UBE2E2: variants seen among roughly 807,000 people sequenced by gnomAD.
UBE2E2 encodes ubiquitin conjugating enzyme E2 E2, also known as ubiquitin-conjugating enzyme E2 E2.
A neutral mutation model predicts 24.7 loss-of-function variants in UBE2E2; 6 were observed. The observed-to-expected ratio is 0.24, with a 90% confidence interval of 0.13 to 0.48. UBE2E2 has a LOEUF of 0.48. Among genes scored for constraint, UBE2E2 ranks in the 20% least tolerant of loss-of-function variants. The pLI is 0.99. For missense variants in UBE2E2, 169 were observed against 245.0 expected (o/e 0.69, Z 2.07); for synonymous variants, 104 against 83.6 (o/e 1.24, Z -1.33).
At chr3:23,484,628 G>T (rs748562759) in intron 3 of UBE2E2, among the ~76,000 whole-genome samples, 1 of 152,034 alleles carries the variant, frequency 6.6e-6, no homozygotes, top group East Asian at 1.9e-4. Flanking sequence ...CTCCATTTTC[G>T]TACTGCTGTG....
At chr3:23,352,330 A>T (rs1002431791) in intron 3 of UBE2E2, among the ~76,000 whole-genome samples, 17 of 152,178 alleles carry the variant, frequency 1.1e-4, no homozygotes, top group African/African-American at 3.6e-4. Flanking sequence ...AGAGCTAGAA[A>T]AACAAGAGCA....
intron 3 of UBE2E2, among the ~76,000 whole-genome samples, chr3:23,275,423 T>A (rs112268612): frequency 6.6e-6 from 1 of 152,284 alleles, no homozygotes; most frequent in African/African-American, 2.4e-5. Context: ...TTACAGTAGA[T>A]TGACTCAAGA....
chr3:23,393,959 A>G (rs967849033), intron 3 of UBE2E2, among the ~76,000 whole-genome samples: 2 of 152,212 alleles, frequency 1.3e-5, no homozygotes, highest in Admixed American at 1.3e-4. Context: ...AAGGCTGAAA[A>G]TTCTATCTAG....
intron 3 of UBE2E2, among the ~76,000 whole-genome samples, chr3:23,290,014 T>C (rs1005354993): frequency 6.6e-6 from 1 of 152,232 alleles, no homozygotes; most frequent in Admixed American, 6.5e-5. Context: ...AAAACATTTC[T>C]AAGGGGAAAT....
intron 3 of UBE2E2, among the ~76,000 whole-genome samples, chr3:23,457,267 C>T (rs1440360732): frequency 3.3e-5 from 5 of 152,134 alleles, no homozygotes; most frequent in Admixed American, 2.0e-4. Context: ...CTGCAACTGA[C>T]GCATCTCTAG....
At chr3:23,534,279 C>T (rs1346020835) in intron 5 of UBE2E2, 3 of 970,382 alleles carry the variant, frequency 3.1e-6, no homozygotes, top group South Asian at 4.8e-5. Context: ...TAGATTCATT[C>T]CACCAAAGCC....
intron 3 of UBE2E2, among the ~76,000 whole-genome samples, chr3:23,232,650 G>A (rs949947460): frequency 6.6e-6 from 1 of 152,162 alleles, no homozygotes; most frequent in African/African-American, 2.4e-5. Context: ...AATGTTGCAT[G>A]AGCCGAGAAA....
At position 23,591,376 on chromosome 3, in the gene UBE2E2, C is replaced by A. The variant is rs1440696830; in HGVS notation, c.*1545C>A. ...TTTAAAATGCCTGATTCAAAAGATA[C>A]AGTTTTTGTTGTTTTTAACTAGTTA... On this transcript the variant is annotated 3_prime_UTR_variant, in exon 6 of 6. Coordinates refer to ENST00000396703, the MANE Select transcript of UBE2E2 (RefSeq NM_152653.4). 2 of 152,170 alleles carry A rather than the reference C, an allele frequency of 1.3e-5. No homozygotes were observed. Among genetic ancestry groups the A allele is most frequent in the Non-Finnish European group, 2.9e-5 (2 of 68,034 alleles). The allele number at this position is 152,170 out of a possible 1,614,324, so 9.4% of individuals were successfully genotyped here.
chr3:23,382,679 A>T (rs1696705897), intron 3 of UBE2E2, among the ~76,000 whole-genome samples: 1 of 152,216 alleles, frequency 6.6e-6, no homozygotes, highest in Non-Finnish European at 1.5e-5. Flanking sequence ...GAAAAATCAC[A>T]GCTTTGCTTG....
intron 1 of UBE2E2, 118 bp downstream of exon 1, chr3:23,203,582 GC>G (rs1403293242): frequency 1.7e-6 from 1 of 590,582 alleles, no homozygotes; most frequent in Non-Finnish European, 2.1e-6. Flanking sequence ...CACCGCTCGT[GC>G]CCTAGTTCCC....
At chr3:23,304,916 G>A (rs7648425) in intron 3 of UBE2E2, among the ~76,000 whole-genome samples, 1 of 152,082 alleles carries the variant, frequency 6.6e-6, no homozygotes, top group African/African-American at 2.4e-5. Flanking sequence ...CTTACCCATG[G>A]ATGATTTTGT....
At chr3:23,536,553 ACAGT>A (rs1436526009) in intron 5 of UBE2E2, among the ~76,000 whole-genome samples, 2 of 152,360 alleles carry the variant, frequency 1.3e-5, no homozygotes, top group African/African-American at 2.4e-5. Flanking sequence ...CTCTTATGAG[ACAGT>A]CAGAAAGTTG....
At chr3:23,335,847 T>C (rs113896165) in intron 3 of UBE2E2, among the ~76,000 whole-genome samples, 145 of 152,300 alleles carry the variant, frequency 9.5e-4, no homozygotes, top group African/African-American at 3.3e-3. Context: ...ATGAATAATT[T>C]TTTTAAATTG....
chr3:23,365,347 T>C (rs1262612479), intron 3 of UBE2E2, among the ~76,000 whole-genome samples: 3 of 152,184 alleles, frequency 2.0e-5, no homozygotes, highest in Admixed American at 6.5e-5. Flanking sequence ...GCAGATGATA[T>C]GGTTCTATAA....
intron 3 of UBE2E2, among the ~76,000 whole-genome samples, chr3:23,316,773 C>T (rs2125284141): frequency 6.6e-6 from 1 of 152,206 alleles, no homozygotes; most frequent in East Asian, 1.9e-4. Context: ...ACCTTGGCTA[C>T]TGCTGCTGAT....
At chr3:23,417,662 C>G (rs184921626) in intron 3 of UBE2E2, among the ~76,000 whole-genome samples, 1 of 152,180 alleles carries the variant, frequency 6.6e-6, no homozygotes, top group East Asian at 1.9e-4. Flanking sequence ...CACAGCCTCC[C>G]CTTCCTCCTA....
chr3:23,547,561 C>G lies in UBE2E2; in HGVS notation c.508+14860C>G, dbSNP rs538268810. 5.3e-5 allele frequency among the ~76,000 whole-genome samples: 8 copies of G among 152,242 alleles called. No homozygotes were observed. In the South Asian group the frequency reaches 1.7e-3, roughly 32 times the overall value. Reference sequence around the variant, plus strand: ...CTTGTTATTGGTAAATGGAGTCATTCTAGTGAAATTTATTGTCAGAAACAC... The same window carrying G: ...CTTGTTATTGGTAAATGGAGTCATTGTAGTGAAATTTATTGTCAGAAACAC... On this transcript the variant is annotated intron_variant, in intron 5 of 5. Coordinates refer to ENST00000396703, the MANE Select transcript of UBE2E2 (RefSeq NM_152653.4).
At chr3:23,421,609 T>C (rs1483945433) in intron 3 of UBE2E2, among the ~76,000 whole-genome samples, 2 of 152,184 alleles carry the variant, frequency 1.3e-5, no homozygotes, top group Non-Finnish European at 2.9e-5. Flanking sequence ...GGTTTCACCA[T>C]GTTGGCCAGG....
chr3:23,368,465 G>T (rs530765003), intron 3 of UBE2E2, among the ~76,000 whole-genome samples: 43 of 152,112 alleles, frequency 2.8e-4, no homozygotes, highest in Non-Finnish European at 5.1e-4. Context: ...GATCAAGTTT[G>T]TGTTTTTTTC....
Sources: gnomAD v4.1 joint callset for allele counts (sites outside exome capture counted in the v4.1 genomes callset) on GRCh38, gnomAD v4.1.1 for gene constraint, MANE v1.5 for transcripts, NCBI Gene and HGNC (gene_info 2026-07-23, HGNC 2026-07-21) for gene names.